PCBP3: variants seen among roughly 807,000 people sequenced by gnomAD.
The protein encoded by PCBP3 is poly(rC)-binding protein 3.
In PCBP3, 25 loss-of-function variants were observed where a neutral mutation model predicts 52.7. The observed-to-expected ratio is 0.47, with a 90% CI of 0.35 to 0.66. The LOEUF is 0.66. PCBP3 is among the 30% of genes least tolerant of loss of function. The pLI, the probability that PCBP3 is intolerant of heterozygous loss-of-function variation, is 0.01. For synonymous variants in PCBP3, 162 were observed against 183.0 expected (o/e 0.89, Z 0.93); for missense variants, 391 against 490.3 (o/e 0.80, Z 1.91).
At chr21:45,825,982 G>A (rs2093296576) in intron 4 of PCBP3, among the ~76,000 whole-genome samples, 2 of 152,214 alleles carry the variant, frequency 1.3e-5, no homozygotes, top group Admixed American at 1.3e-4. Context: ...AAAGAAAAAA[G>A]CAGTGAGGGC....
At chr21:45,742,514 C>T (rs2086529026) in intron 3 of PCBP3, among the ~76,000 whole-genome samples, 1 of 152,174 alleles carries the variant, frequency 6.6e-6, no homozygotes, top group African/African-American at 2.4e-5. Flanking sequence ...GAGTCGTGCA[C>T]TTTTTCATCT....
chr21:45,826,215 G>A (rs186220800), intron 4 of PCBP3, among the ~76,000 whole-genome samples: 2 of 151,828 alleles, frequency 1.3e-5, no homozygotes, highest in Admixed American at 6.6e-5. Context: ...CCGAGATTGC[G>A]GCATTGCACT....
chr21:45,930,643 CAG>C, intron 14 of PCBP3, 141 bp from the exon 15 acceptor site: 1 of 552,420 alleles, frequency 1.8e-6, no homozygotes, highest in Non-Finnish European at 3.3e-6. Context: ...TCCCTCCCCA[CAG>C]AGGCAGTGCC....
At chr21:45,729,559 T>C (rs996477672) in intron 2 of PCBP3, among the ~76,000 whole-genome samples, 2 of 152,220 alleles carry the variant, frequency 1.3e-5, no homozygotes, top group African/African-American at 2.4e-5. Context: ...CCAACACTTC[T>C]GTTAGACTTT....
At chr21:45,669,342 A>T (rs1429999816) in intron 2 of PCBP3, among the ~76,000 whole-genome samples, 1 of 151,870 alleles carries the variant, frequency 6.6e-6, no homozygotes. Context: ...GTTTTAGATT[A>T]AAAAAAATTG....
At position 45,738,625 on chromosome 21, in the gene PCBP3, A is replaced by G. The variant is rs2086076276; in HGVS notation, c.-162+3196A>G. Among the ~76,000 whole-genome samples the G allele has an allele frequency of 3.3e-5, 5 of 152,174 alleles. No individual in the cohort carries two copies. The South Asian group carries it at 8.3e-4, about 25-fold the overall frequency. ...GAAAAATATGAAAAACAATTTAAAAATTCACCTATGCTTAGCCTTAGTGCA... is the reference window on the plus strand; with the variant it reads ...GAAAAATATGAAAAACAATTTAAAAGTTCACCTATGCTTAGCCTTAGTGCA... On this transcript the variant is annotated intron_variant, in intron 3 of 17. Transcript: ENST00000681687.
chr21:45,911,395 GC>G, intron 11 of PCBP3: 2 of 250,124 alleles, frequency 8.0e-6, no homozygotes, highest in South Asian at 4.2e-5. Context: ...GCCTTGGGGG[GC>G]AGCTGGGGGT....
At position 45,741,974 on chromosome 21, in the gene PCBP3, GCC is replaced by G. The variant is rs374829049; in HGVS notation, c.-162+6547_-162+6548del. 1.8e-4 allele frequency among the ~76,000 whole-genome samples: 28 copies of G among 152,288 alleles called. No individual in the cohort carries two copies. The highest frequency in any genetic ancestry group is 6.5e-4 in the African/African-American group (27 of 41,554). ...TCAGGCATTCAGTACACACTTTCGT[GCC>G]CTGCTTTTTAACTGAATAGTATTCT... On this transcript the variant is annotated intron_variant, in intron 3 of 17. Transcript: ENST00000681687. This position sits in a 1 kb window ranked among gnomAD's most constrained non-coding sequence, Gnocchi z 4.5.
At position 45,676,845 on chromosome 21, in the gene PCBP3, C is replaced by G. The variant is rs993483530; in HGVS notation, c.-200+7893C>G. 9.2e-5 allele frequency among the ~76,000 whole-genome samples: 14 copies of G among 152,252 alleles called. 1 individual carries two copies. The highest frequency in any genetic ancestry group is 2.9e-4 in the African/African-American group (12 of 41,532). On this transcript the variant is annotated intron_variant, in intron 2 of 17. Coordinates refer to ENST00000681687, the MANE Select transcript of PCBP3 (RefSeq NM_001384156.1). ...GGAGTGCAGTGGTGTGATCTCAGTT[C>G]ACTGCAACATCTGCCTCCTGGGTTC...
intron 1 of PCBP3, among the ~76,000 whole-genome samples, chr21:45,646,057 C>CTA (rs2079233251): frequency 9.0e-6 from 1 of 111,064 alleles, no homozygotes; most frequent in Non-Finnish European, 1.8e-5. Flanking sequence ...ACCTGTTTCT[C>CTA]TCTCTCTCTC....
At chr21:45,921,547 A>T (rs147796964) in intron 13 of PCBP3, among the ~76,000 whole-genome samples, 1 of 152,326 alleles carries the variant, frequency 6.6e-6, no homozygotes, top group Non-Finnish European at 1.5e-5. Context: ...TGGGTGTGGT[A>T]GCTCAAGCCT....
chr21:45,933,470 C>T (rs2076546449), intron 15 of PCBP3, among the ~76,000 whole-genome samples: 1 of 152,238 alleles, frequency 6.6e-6, no homozygotes, highest in East Asian at 1.9e-4. Flanking sequence ...CTGGCTCACT[C>T]CTCTCTATTC....
intron 11 of PCBP3, 138 bp from the exon 12 acceptor site, chr21:45,913,813 G>A: frequency 1.3e-6 from 1 of 753,918 alleles, no homozygotes; most frequent in Admixed American, 2.4e-5. Flanking sequence ...CCCCAGCACT[G>A]CTGCGAAACT....
chr21:45,854,282 A>G (rs999816358), intron 5 of PCBP3, among the ~76,000 whole-genome samples: 3 of 152,174 alleles, frequency 2.0e-5, no homozygotes, highest in Non-Finnish European at 4.4e-5. Context: ...AGTTGTTGTA[A>G]AATGTACATA....
chr21:45,665,970 T>C (rs1338750706), intron 1 of PCBP3, among the ~76,000 whole-genome samples: 2 of 152,186 alleles, frequency 1.3e-5, no homozygotes, highest in Non-Finnish European at 2.9e-5. Context: ...GTTCAACATA[T>C]GTAAATCATT....
Position 45,942,025 on chromosome 21 carries a change from G to A in PCBP3, c.*319G>A, listed in dbSNP as rs2077508190. ...GTCAGCGTAGCTGTCTGTCTTAGGA[G>A]CTGGGTCGGCGTTCCGACAGCACTT... On this transcript the variant is annotated 3_prime_UTR_variant, in exon 18 of 18. Coordinates refer to ENST00000681687, the MANE Select transcript of PCBP3 (RefSeq NM_001384156.1). The A allele has an allele frequency of 3.3e-6, 1 of 301,686 alleles. No homozygotes were observed. Among genetic ancestry groups the A allele is most frequent in the Non-Finnish European group, 6.1e-6 (1 of 164,082 alleles). The allele number at this position is 301,686 out of a possible 1,614,324, so 18.7% of individuals were successfully genotyped here.
At position 45,654,103 on chromosome 21, in the gene PCBP3, C is replaced by T. The variant is rs138958495; in HGVS notation, c.-279+10235C>T. Reference sequence around the variant, plus strand: ...ATTCAGTGAAATAAATTAATATTAACGGTATTATATTAACAATATTGGTAT... The same window carrying T: ...ATTCAGTGAAATAAATTAATATTAATGGTATTATATTAACAATATTGGTAT... On this transcript the variant is annotated intron_variant, in intron 1 of 17. Transcript: ENST00000681687. 3.6e-4 allele frequency among the ~76,000 whole-genome samples: 55 copies of T among 151,986 alleles called. No homozygotes were observed. In the East Asian group the frequency reaches 6.0e-3, roughly 17 times the overall value.
intron 4 of PCBP3, among the ~76,000 whole-genome samples, chr21:45,794,782 A>G (rs940334566): frequency 2.6e-5 from 4 of 152,086 alleles, no homozygotes; most frequent in African/African-American, 9.7e-5. Flanking sequence ...ACACAGAATG[A>G]GCCGGGCGTG....
chr21:45,882,465 T>C (rs1396558544), intron 5 of PCBP3, among the ~76,000 whole-genome samples: 1 of 152,236 alleles, frequency 6.6e-6, no homozygotes, highest in Non-Finnish European at 1.5e-5. Flanking sequence ...CAGTTTTTTT[T>C]CCAGTTCCCT....
Sources: gnomAD v4.1 joint callset for allele counts (sites outside exome capture counted in the v4.1 genomes callset) on GRCh38, gnomAD v4.1.1 for gene constraint, Gnocchi (gnomAD v3.1) non-coding constraint, MANE v1.5 for transcripts, NCBI Gene and HGNC (gene_info 2026-07-23, HGNC 2026-07-21) for gene names.